The following BBIP1 variants were observed in gnomAD, a reference collection of about 807,000 sequenced individuals.
The protein encoded by BBIP1 is BBSome interacting protein 1, also known as BBSome-interacting protein 1.
A neutral mutation model predicts 8.9 loss-of-function variants in BBIP1; 6 were observed. The ratio of observed to expected loss-of-function variants is 0.67; its 90% CI spans 0.37 to 1.33. The LOEUF (loss-of-function observed/expected upper bound fraction) is 1.33. Ranked by LOEUF, BBIP1 falls within the 40% of genes most tolerant of loss-of-function variation. The pLI is 0.02. For missense variants in BBIP1, 111 were observed against 109.2 expected (o/e 1.02, Z -0.07); for synonymous variants, 32 against 33.4 (o/e 0.96, Z 0.14).
intron 2 of BBIP1, among the ~76,000 whole-genome samples, chr10:110,913,920 AT>A (rs2134044004): frequency 6.6e-6 from 1 of 152,342 alleles, no homozygotes; most frequent in South Asian, 2.1e-4. Context: ...AAATCAGGAA[AT>A]TTCACAAAAA....
intron 2 of BBIP1, among the ~76,000 whole-genome samples, chr10:110,905,114 G>A (rs1340961290): frequency 1.3e-5 from 2 of 152,180 alleles, no homozygotes; most frequent in Non-Finnish European, 2.9e-5. Context: ...GTAGCTATTT[G>A]AGCTGGATGT....
At chr10:110,910,087 C>T (rs150015601) in intron 2 of BBIP1, among the ~76,000 whole-genome samples, 1 of 152,156 alleles carries the variant, frequency 6.6e-6, no homozygotes. Context: ...CCATGAAAAA[C>T]TTGGCTAAGG....
At position 110,918,171 on chromosome 10, in the gene BBIP1, A is replaced by G. The variant is rs1414069300; in HGVS notation, c.-14T>C. 1 of 1,535,196 alleles carries G rather than the reference A, an allele frequency of 6.5e-7. No homozygotes were observed. Among genetic ancestry groups the G allele is most frequent in the South Asian group, 1.2e-5 (1 of 84,032 alleles). The stretch of plus-strand genomic sequence containing the variant: ...AGCTTTAAGCATCCAACCCGGTATT[A>G]CCAAGATGACTTAGAGTTCTTGACT... On this transcript the variant is annotated 5_prime_UTR_variant, in exon 2 of 4. Transcript: ENST00000448814.
intron 3 of BBIP1, chr10:110,900,813 A>G (rs1048111749): frequency 6.4e-6 from 2 of 311,630 alleles, no homozygotes; most frequent in Non-Finnish European, 1.2e-5. Flanking sequence ...TTAAAATAAG[A>G]TTTGGCAGAA....
intron 2 of BBIP1, among the ~76,000 whole-genome samples, chr10:110,912,996 C>G (rs890599404): frequency 6.6e-6 from 1 of 152,138 alleles, no homozygotes; most frequent in Admixed American, 6.6e-5. Flanking sequence ...CAATGTGTGA[C>G]CTAAATAAAA....
At chr10:110,915,801 T>C (rs1418841855) in intron 2 of BBIP1, among the ~76,000 whole-genome samples, 1 of 152,158 alleles carries the variant, frequency 6.6e-6, no homozygotes, top group African/African-American at 2.4e-5. Context: ...TCTCCCAGGC[T>C]CAAGTGATTC....
At chr10:110,907,755 G>GATTGATACAATAACC (rs1281527213) in intron 2 of BBIP1, 1 of 702,512 alleles carries the variant, frequency 1.4e-6, no homozygotes, top group Non-Finnish European at 2.6e-6. Flanking sequence ...AAAGGATGGT[G>GATTGATACAATAACC]ATTGATACAA....
At chr10:110,915,230 CACCACAGCCTTG>C (rs1324194654) in intron 2 of BBIP1, among the ~76,000 whole-genome samples, 1 of 152,070 alleles carries the variant, frequency 6.6e-6, no homozygotes, top group Non-Finnish European at 1.5e-5. Context: ...GATCATGGCT[CACCACAGCCTTG>C]ACCTTCTGGG....
At chr10:110,901,297 TTGTAA>T in intron 3 of BBIP1, 1 of 501,786 alleles carries the variant, frequency 2.0e-6, no homozygotes. Flanking sequence ...AAAATTCATA[TTGTAA>T]TTAGGAATTT....
chr10:110,907,047 C>G (rs745861448), intron 2 of BBIP1: 2 of 152,256 alleles, frequency 1.3e-5, no homozygotes, highest in Non-Finnish European at 2.9e-5. Context: ...AGTCTCTTGA[C>G]TTGCAGAAGC....
At chr10:110,903,734 C>T (rs1401368938) in intron 2 of BBIP1, 1 of 152,074 alleles carries the variant, frequency 6.6e-6, no homozygotes, top group Non-Finnish European at 1.5e-5. Flanking sequence ...GATGGTATAG[C>T]CTCTTACACA....
intron 2 of BBIP1, 108 bp from the exon 3 acceptor site, chr10:110,901,720 A>G: frequency 2.5e-6 from 2 of 799,064 alleles, no homozygotes; most frequent in South Asian, 3.0e-5. Flanking sequence ...TAGAAAGTGA[A>G]CTACCCTAAC....
intron 2 of BBIP1, among the ~76,000 whole-genome samples, chr10:110,916,023 A>C (rs1846394295): frequency 2.0e-5 from 3 of 152,314 alleles, no homozygotes; most frequent in South Asian, 2.1e-4. Context: ...ATAGATTATT[A>C]ATAGAGTGAG....
intron 2 of BBIP1, chr10:110,911,933 A>G (rs1478901352): frequency 6.6e-6 from 1 of 152,220 alleles, no homozygotes; most frequent in African/African-American, 2.4e-5. Context: ...GTAACATACA[A>G]TCTTCAATTT....
Position 110,898,926 on chromosome 10 carries a change from A to G in BBIP1, c.*1434T>C, listed in dbSNP as rs1050859596. On this transcript the variant is annotated 3_prime_UTR_variant, in exon 4 of 4. Transcript: ENST00000448814. ...ATAGTAAATTAAGATTACACTGGGG[A>G]AAAAAATGCAGGTATCACTTTACTC... 1.4e-4 allele frequency: 21 copies of G among 152,170 alleles called. No homozygotes were observed. The highest frequency in any genetic ancestry group is 2.8e-4 in the Non-Finnish European group (19 of 67,990). 9.4% of individuals were successfully genotyped at this position (152,170 alleles called of 1,614,324 possible).
intron 2 of BBIP1, among the ~76,000 whole-genome samples, chr10:110,916,045 A>G (rs949054139): frequency 2.0e-5 from 3 of 152,214 alleles, no homozygotes; most frequent in African/African-American, 7.2e-5. Flanking sequence ...AGGCTGTCCA[A>G]GGTCATCCAG....
intron 3 of BBIP1, chr10:110,901,169 T>A (rs974548307): frequency 2.2e-6 from 1 of 444,762 alleles, no homozygotes; most frequent in Non-Finnish European, 4.4e-6. Flanking sequence ...CACATGCCTG[T>A]AGTACTAGCA....
rs1564689949 is a variant in BBIP1 at position 110,901,622 on chromosome 10, G to A, written c.38-10C>T. 2 of 1,518,706 alleles carry A rather than the reference G, an allele frequency of 1.3e-6. No homozygotes were observed. The highest frequency in any genetic ancestry group is 2.5e-5 in the East Asian group (1 of 40,808). 94.1% of individuals were successfully genotyped at this position (1,518,706 alleles called of 1,614,324 possible). A position where few individuals can be genotyped will look rare whatever the true frequency, so the allele number is the denominator to read the frequency against. ...GATATAGTGTTTTTTCCTTCAATGA[G>A]AAATCAGTATTATTCAAGAATACAT... On this transcript the variant is annotated splice_polypyrimidine_tract_variant and intron_variant, in intron 2 of 3. Coordinates refer to ENST00000448814, the MANE Select transcript of BBIP1 (RefSeq NM_001195305.3).
chr10:110,901,300 TAATTAGG>T (rs1845995299), intron 3 of BBIP1: 1 of 510,482 alleles, frequency 2.0e-6, no homozygotes, highest in Admixed American at 3.2e-5. Context: ...ATTCATATTG[TAATTAGG>T]AATTTTAGGA....
Sources: gnomAD v4.1 joint callset for allele counts (sites outside exome capture counted in the v4.1 genomes callset) on GRCh38, gnomAD v4.1.1 for gene constraint, MANE v1.5 for transcripts, NCBI Gene and HGNC (gene_info 2026-07-23, HGNC 2026-07-21) for gene names.